GRIN2B: variants seen among roughly 807,000 people sequenced by gnomAD.
GRIN2B encodes glutamate ionotropic receptor NMDA type subunit 2B, also known as glutamate receptor ionotropic, NMDA 2B.
GRIN2B carries 5 observed loss-of-function variants against 114.5 expected under a neutral mutation model. The ratio of observed to expected loss-of-function variants is 0.04; its 90% CI spans 0.02 to 0.09. The LOEUF (loss-of-function observed/expected upper bound fraction) is 0.09. Ranked by LOEUF, GRIN2B falls within the 10% of genes least tolerant of loss-of-function variation. The pLI is 1.00. For synonymous variants in GRIN2B, 787 were observed against 745.1 expected, an observed-to-expected ratio of 1.06 and a Z score of -0.92; for missense variants, 1,108 against 1,943.5, an observed-to-expected ratio of 0.57 and a Z score of 8.08.
chr12:13,596,645 A>G (rs1380876314), intron 10 of GRIN2B, among the ~76,000 whole-genome samples: 3 of 152,232 alleles, frequency 2.0e-5, no homozygotes, highest in African/African-American at 7.2e-5. Flanking sequence ...AGAAAACATG[A>G]CACCCAATAA....
rs1949432891 is a variant in GRIN2B, at chr12:13,615,869, G to A, written c.1329-205C>T. Among the ~76,000 whole-genome samples, 1 of 152,092 alleles carries A rather than the reference G, an allele frequency of 6.6e-6. No individual in the cohort carries two copies. Among genetic ancestry groups the A allele is most frequent in the Non-Finnish European group, 1.5e-5 (1 of 68,020 alleles). On this transcript the variant is annotated intron_variant, in intron 6 of 13. Coordinates refer to ENST00000609686, the MANE Select transcript of GRIN2B (RefSeq NM_000834.5). The surrounding 1 kb of genome is among the most constrained non-coding windows in gnomAD (Gnocchi z 5.8). Reference sequence around the variant, plus strand: ...TCATTATCTCGTCATATTGAGATATGTTTCCTCTTAATTTTAATTCTCCTT... The same window carrying A: ...TCATTATCTCGTCATATTGAGATATATTTCCTCTTAATTTTAATTCTCCTT...
chr12:13,544,292 T>C lies in GRIN2B; in HGVS notation c.*18491A>G. 1 of 152,136 alleles carries C rather than the reference T, an allele frequency of 6.6e-6. No homozygotes were observed. The highest frequency in any genetic ancestry group is 1.5e-5 in the Non-Finnish European group (1 of 68,066). The allele number at this position is 152,136 out of a possible 1,614,324, so 9.4% of individuals were successfully genotyped here. ...ATGTTTCCAGATAGTCTTATCCTAC[T>C]CAATAATAGTACTTGCTTTACCCAT... On this transcript the variant is annotated 3_prime_UTR_variant, in exon 14 of 14. Coordinates refer to ENST00000609686, the MANE Select transcript of GRIN2B (RefSeq NM_000834.5).
At chr12:13,740,459 A>G (rs1270811172) in intron 4 of GRIN2B, among the ~76,000 whole-genome samples, 4 of 150,936 alleles carry the variant, frequency 2.7e-5, no homozygotes, top group Admixed American at 6.6e-5. Context: ...TGGGCCCCAC[A>G]TGTCCCGTTT....
chr12:13,966,582 A>G (rs1262721173), intron 2 of GRIN2B, among the ~76,000 whole-genome samples: 1 of 152,216 alleles, frequency 6.6e-6, no homozygotes, highest in African/African-American at 2.4e-5. Context: ...ATGTAATTTG[A>G]TGAGATACTC....
intron 3 of GRIN2B, among the ~76,000 whole-genome samples, chr12:13,790,693 A>G (rs1210880216): frequency 6.6e-6 from 1 of 152,194 alleles, no homozygotes; most frequent in Non-Finnish European, 1.5e-5. Flanking sequence ...GTCACTGTTC[A>G]TTGGTGCTGA....
At chr12:13,741,351 C>A (rs1156591512) in intron 4 of GRIN2B, among the ~76,000 whole-genome samples, 2 of 152,118 alleles carry the variant, frequency 1.3e-5, no homozygotes, top group African/African-American at 4.8e-5. Context: ...TATTACCAAA[C>A]CACCCTGTCC....
rs1383295876 is a variant in GRIN2B at position 13,542,982 on chromosome 12, A to C, written c.*19801T>G. The C allele has an allele frequency of 1.3e-5, 2 of 151,920 alleles. No individual in the cohort carries two copies. The highest frequency in any genetic ancestry group is 4.8e-5 in the African/African-American group (2 of 41,344). 9.4% of individuals were successfully genotyped at this position (151,920 alleles called of 1,614,324 possible). ...TTTTAAAAAAAAATAACATGCAACA[A>C]CCATAAAATCCAGCTTTGATGCACA... On this transcript the variant is annotated 3_prime_UTR_variant, in exon 14 of 14. Transcript: ENST00000609686.
chr12:13,710,681 A>AG (rs1483418239), intron 4 of GRIN2B, among the ~76,000 whole-genome samples: 1 of 152,154 alleles, frequency 6.6e-6, no homozygotes, highest in Non-Finnish European at 1.5e-5. Context: ...AGGGACGTGA[A>AG]GGACCTCTTC....
At chr12:13,935,759 G>A (rs1009874983) in intron 2 of GRIN2B, among the ~76,000 whole-genome samples, 1 of 152,186 alleles carries the variant, frequency 6.6e-6, no homozygotes, top group African/African-American at 2.4e-5. Context: ...ATAAGTGGAA[G>A]CCTTCTGCTT....
At chr12:13,693,539 G>T (rs1471800871) in intron 4 of GRIN2B, among the ~76,000 whole-genome samples, 3 of 152,032 alleles carry the variant, frequency 2.0e-5, no homozygotes, top group Non-Finnish European at 4.4e-5. Context: ...ATGCAACCCA[G>T]GGCTGCTTCT....
rs542097545 is a variant in GRIN2B at position 13,687,998 on chromosome 12, A to G, written c.1011-12139T>C. On this transcript the variant is annotated intron_variant, in intron 4 of 13. Coordinates refer to ENST00000609686, the MANE Select transcript of GRIN2B (RefSeq NM_000834.5). ...AACAATGTTACCATTTATTGAGCAC[A>G]TGCCTAGCCTTGTTTTTGGTGCTTT... 2.6e-5 allele frequency among the ~76,000 whole-genome samples: 4 copies of G among 152,322 alleles called. No individual in the cohort carries two copies. The South Asian group carries it at 8.3e-4, about 32-fold the overall frequency.
chr12:13,808,056 G>A (rs1173668989), intron 3 of GRIN2B, among the ~76,000 whole-genome samples: 2 of 152,068 alleles, frequency 1.3e-5, no homozygotes, highest in African/African-American at 2.4e-5. Flanking sequence ...GCCTTTCTAA[G>A]GCCATATACT....
intron 3 of GRIN2B, among the ~76,000 whole-genome samples, chr12:13,834,979 G>A (rs572747824): frequency 2.5e-4 from 38 of 152,340 alleles, no homozygotes; most frequent in African/African-American, 7.5e-4. Context: ...TCTGCTCTAA[G>A]TGTGGGCCAA....
chr12:13,625,026 G>A (rs188328744), intron 5 of GRIN2B, among the ~76,000 whole-genome samples: 89 of 152,288 alleles, frequency 5.8e-4, no homozygotes, highest in Non-Finnish European at 9.9e-4. Context: ...ATAACACCAC[G>A]GGTGGAGATG....
intron 10 of GRIN2B, among the ~76,000 whole-genome samples, chr12:13,587,252 T>C (rs532419231): frequency 7.2e-5 from 11 of 152,116 alleles, no homozygotes; most frequent in Non-Finnish European, 1.0e-4. Flanking sequence ...TGGAAACCCT[T>C]GTCTTTAACA....
chr12:13,546,285 G>T lies in GRIN2B; in HGVS notation c.*16498C>A, dbSNP rs10845803. On this transcript the variant is annotated 3_prime_UTR_variant, in exon 14 of 14. Coordinates refer to ENST00000609686, the MANE Select transcript of GRIN2B (RefSeq NM_000834.5). The stretch of plus-strand genomic sequence containing the variant: ...ATCATTGGAGAGGGGCTGCCCTAAA[G>T]GTTTGTAGACAAGGTTTTGAAGAAT... 26 of 152,278 alleles carry T rather than the reference G, an allele frequency of 1.7e-4. 1 individual carries two copies. The highest frequency in any genetic ancestry group is 1.4e-3 in the Admixed American group (22 of 15,300). The allele number at this position is 152,278 out of a possible 1,614,324, so 9.4% of individuals were successfully genotyped here.
At chr12:13,846,840 T>C (rs116468127) in intron 3 of GRIN2B, among the ~76,000 whole-genome samples, 2,708 of 151,358 alleles carry the variant, frequency 0.018, 96 homozygotes, top group African/African-American at 0.064. Context: ...AAGCACAAAA[T>C]TGGGAGAAAG....
At chr12:13,893,152 C>T (rs1866291952) in intron 2 of GRIN2B, among the ~76,000 whole-genome samples, 1 of 152,126 alleles carries the variant, frequency 6.6e-6, no homozygotes, top group African/African-American at 2.4e-5. Context: ...TTTTGAACAG[C>T]CTTTGAATTA....
chr12:13,656,969 G>T (rs1254352590), intron 5 of GRIN2B, among the ~76,000 whole-genome samples: 1 of 152,140 alleles, frequency 6.6e-6, no homozygotes, highest in East Asian at 1.9e-4. Context: ...CCAAGGGGAA[G>T]GGACTCATTT....
Sources: gnomAD v4.1 joint callset for allele counts (sites outside exome capture counted in the v4.1 genomes callset) on GRCh38, gnomAD v4.1.1 for gene constraint, Gnocchi (gnomAD v3.1) non-coding constraint, MANE v1.5 for transcripts, NCBI Gene and HGNC (gene_info 2026-07-23, HGNC 2026-07-21) for gene names.